The following OSBPL8 variants were observed in gnomAD, a reference collection of about 807,000 sequenced individuals.
OSBPL8 encodes oxysterol binding protein like 8, also known as oxysterol-binding protein-related protein 8.
In OSBPL8, 59 loss-of-function variants were observed where a neutral mutation model predicts 125.5. That is an observed-to-expected ratio of 0.47 (90% CI 0.38 to 0.58). The LOEUF (loss-of-function observed/expected upper bound fraction) is 0.58. Among genes scored for constraint, OSBPL8 ranks in the 20% least tolerant of loss-of-function variants. OSBPL8 has a pLI of 0.00. For missense variants in OSBPL8, 758 were observed against 1,047.8 expected (o/e 0.72, Z 3.82); for synonymous variants, 330 against 338.9 (o/e 0.97, Z 0.29).
intron 4 of OSBPL8, among the ~76,000 whole-genome samples, chr12:76,438,820 T>C (rs931177117): frequency 2.6e-5 from 4 of 152,226 alleles, no homozygotes; most frequent in Non-Finnish European, 4.4e-5. Flanking sequence ...GGAACAACCC[T>C]GATGTGAGTA....
chr12:76,530,220 CTTT>C (rs59016280), intron 1 of OSBPL8, among the ~76,000 whole-genome samples: 1,460 of 107,198 alleles, frequency 0.014, 14 homozygotes, highest in Middle Eastern at 0.043. Context: ...CCGGGCCTGG[CTTT>C]TTTTTTTTTT....
chr12:76,534,815 A>G (rs1002734211), intron 1 of OSBPL8, among the ~76,000 whole-genome samples: 1 of 152,200 alleles, frequency 6.6e-6, no homozygotes, highest in South Asian at 2.1e-4. Context: ...ACATATATCA[A>G]TGGAATAGAA....
At chr12:76,515,805 A>G (rs1881478148) in intron 1 of OSBPL8, among the ~76,000 whole-genome samples, 1 of 151,910 alleles carries the variant, frequency 6.6e-6, no homozygotes, top group Admixed American at 6.6e-5. Context: ...TGATGCATGT[A>G]CTTGGATGAT....
intron 1 of OSBPL8, among the ~76,000 whole-genome samples, chr12:76,558,729 C>T (rs1951184285): frequency 6.6e-6 from 1 of 152,228 alleles, no homozygotes; most frequent in South Asian, 2.1e-4. Flanking sequence ...TCTGCATATA[C>T]TGTTGCTTCG....
At chr12:76,518,258 C>T (rs1881742119) in intron 1 of OSBPL8, among the ~76,000 whole-genome samples, 1 of 152,172 alleles carries the variant, frequency 6.6e-6, no homozygotes. Flanking sequence ...AAGTCCAAAA[C>T]CCAGCAGGGC....
At chr12:76,381,475 T>G (rs1160490055) in intron 15 of OSBPL8, among the ~76,000 whole-genome samples, 1 of 152,204 alleles carries the variant, frequency 6.6e-6, no homozygotes, top group African/African-American at 2.4e-5. Context: ...CTTAAGAAAT[T>G]TGTCCATTTC....
chr12:76,516,130 G>A (rs1881509183), intron 1 of OSBPL8, among the ~76,000 whole-genome samples: 1 of 152,264 alleles, frequency 6.6e-6, no homozygotes, highest in East Asian at 1.9e-4. Context: ...GTTCAGGATT[G>A]CCACCCCAAA....
chr12:76,447,395 A>C (rs1872830989), intron 4 of OSBPL8, among the ~76,000 whole-genome samples: 1 of 152,226 alleles, frequency 6.6e-6, no homozygotes, highest in South Asian at 2.1e-4. Context: ...TCTTGCCAAA[A>C]ATGCTCTAGC....
chr12:76,391,912 C>G (rs1336135746), intron 10 of OSBPL8, among the ~76,000 whole-genome samples: 5 of 152,116 alleles, frequency 3.3e-5, no homozygotes, highest in African/African-American at 1.2e-4. Flanking sequence ...AAAGTGGTTA[C>G]AGAGCAGAAG....
rs142233513 is a variant in OSBPL8, at chr12:76,518,002, C to T, written c.-67-30384G>A. 6.4e-3 allele frequency among the ~76,000 whole-genome samples: 967 copies of T among 152,190 alleles called. 11 individuals are homozygous for T. The highest frequency in any genetic ancestry group is 0.022 in the African/African-American group (933 of 41,510). ...CATCTAAACCATATCATTCTGCTGG[C>T]GCCACTAATCTCATGTTCTACTCAC... On this transcript the variant is annotated intron_variant, in intron 1 of 23. Coordinates refer to ENST00000261183, the MANE Select transcript of OSBPL8 (RefSeq NM_020841.5).
At chr12:76,362,286 A>G (rs1952235125) in intron 21 of OSBPL8, among the ~76,000 whole-genome samples, 1 of 126,244 alleles carries the variant, frequency 7.9e-6, no homozygotes, top group African/African-American at 3.0e-5. Flanking sequence ...AAAATCCTCA[A>G]TAAAATACCG....
chr12:76,527,865 C>T (rs1344712548), intron 1 of OSBPL8, among the ~76,000 whole-genome samples: 1 of 152,168 alleles, frequency 6.6e-6, no homozygotes, highest in African/African-American at 2.4e-5. Context: ...GATAAACATT[C>T]TTGAAAAGGT....
chr12:76,522,410 G>A (rs945428355), intron 1 of OSBPL8, among the ~76,000 whole-genome samples: 8 of 152,014 alleles, frequency 5.3e-5, no homozygotes, highest in Non-Finnish European at 1.2e-4. Context: ...GTGGTGTTGA[G>A]AGGTGGTCCT....
intron 7 of OSBPL8, 51 bp from the exon 8 acceptor site, chr12:76,397,948 C>A: frequency 6.7e-7 from 1 of 1,498,680 alleles, no homozygotes; most frequent in Non-Finnish European, 9.2e-7. Flanking sequence ...CTCCAAGGTC[C>A]AAACGAAAAT....
At chr12:76,411,937 G>A (rs959794952) in intron 4 of OSBPL8, among the ~76,000 whole-genome samples, 4 of 152,076 alleles carry the variant, frequency 2.6e-5, no homozygotes, top group Admixed American at 2.6e-4. Flanking sequence ...ACATAGAGTG[G>A]CATAACAACT....
intron 1 of OSBPL8, among the ~76,000 whole-genome samples, chr12:76,528,112 G>A (rs1455967603): frequency 1.3e-5 from 2 of 152,072 alleles, no homozygotes; most frequent in Non-Finnish European, 2.9e-5. Flanking sequence ...CACGAGGTCA[G>A]GAGTTCAAGA....
intron 1 of OSBPL8, among the ~76,000 whole-genome samples, chr12:76,522,727 T>C (rs1950056866): frequency 6.6e-6 from 1 of 152,180 alleles, no homozygotes; most frequent in South Asian, 2.1e-4. Flanking sequence ...AACAAACCTC[T>C]TTTCTTTATA....
At chr12:76,382,667 G>C (rs1395190451) in intron 15 of OSBPL8, among the ~76,000 whole-genome samples, 1 of 152,174 alleles carries the variant, frequency 6.6e-6, no homozygotes, top group Non-Finnish European at 1.5e-5. Context: ...TGGATCACTT[G>C]AGGTCAGGAG....
At chr12:76,499,323 T>TATCG (rs1239825003) in intron 1 of OSBPL8, among the ~76,000 whole-genome samples, 1 of 112,786 alleles carries the variant, frequency 8.9e-6, no homozygotes, top group East Asian at 2.0e-4. Context: ...TCTATCTATC[T>TATCG]ATCTATCTAT....
Sources: gnomAD v4.1 joint callset for allele counts (sites outside exome capture counted in the v4.1 genomes callset) on GRCh38, gnomAD v4.1.1 for gene constraint, MANE v1.5 for transcripts, NCBI Gene and HGNC (gene_info 2026-07-23, HGNC 2026-07-21) for gene names.